The following XKR4 variants were observed in gnomAD, a reference collection of about 807,000 sequenced individuals.
The protein encoded by XKR4 is XK-related protein 4.
A neutral mutation model predicts 53.9 loss-of-function variants in XKR4; 12 were observed. The ratio of observed to expected loss-of-function variants is 0.22; its 90% CI spans 0.14 to 0.36. The LOEUF (loss-of-function observed/expected upper bound fraction) is 0.36, where lower values mean the gene tolerates loss of function less well. Among genes scored for constraint, XKR4 ranks in the 10% least tolerant of loss-of-function variants. XKR4 has a pLI of 1.00. For missense variants in XKR4, 799 were observed against 859.5 expected, an observed-to-expected ratio of 0.93 and a Z score of 0.88; for synonymous variants, 354 against 362.4, an observed-to-expected ratio of 0.98 and a Z score of 0.26.
intron 1 of XKR4, among the ~76,000 whole-genome samples, chr8:55,330,413 G>A (rs944341048): frequency 4.6e-5 from 7 of 152,130 alleles, no homozygotes; most frequent in Non-Finnish European, 8.8e-5. Context: ...CCAGAAGGGA[G>A]TAATATATCT....
chr8:55,462,231 C>T lies in XKR4; in HGVS notation c.1007-61050C>T, dbSNP rs558975251. Among the ~76,000 whole-genome samples, 4 of 152,280 alleles carry T rather than the reference C, an allele frequency of 2.6e-5. No homozygotes were observed. In the East Asian group the frequency reaches 7.7e-4, roughly 29 times the overall value. The stretch of plus-strand genomic sequence containing the variant: ...GTTAAGGGCAGCCAGAGAGAAAGGT[C>T]GGGTTACCCACAAAGGGAAGCCCAT... On this transcript the variant is annotated intron_variant, in intron 2 of 2. Transcript: ENST00000327381.
chr8:55,439,034 A>G (rs1015846944), intron 2 of XKR4, among the ~76,000 whole-genome samples: 7 of 152,208 alleles, frequency 4.6e-5, no homozygotes, highest in Admixed American at 3.3e-4. Flanking sequence ...ACAGTCTTGC[A>G]TAGGGACCTT....
At chr8:55,156,147 G>GGGAGA (rs1277812737) in intron 1 of XKR4, among the ~76,000 whole-genome samples, 4 of 152,018 alleles carry the variant, frequency 2.6e-5, no homozygotes, top group Non-Finnish European at 5.9e-5. Context: ...GTGTGACTGT[G>GGGAGA]GGAGAGGAGC....
chr8:55,109,815 G>C (rs1816208451), intron 1 of XKR4, among the ~76,000 whole-genome samples: 1 of 152,118 alleles, frequency 6.6e-6, no homozygotes, highest in Non-Finnish European at 1.5e-5. Context: ...CAAATCCTTG[G>C]AGCAATAGCT....
intron 1 of XKR4, among the ~76,000 whole-genome samples, chr8:55,294,110 T>C (rs1241993849): frequency 6.6e-6 from 1 of 152,224 alleles, no homozygotes; most frequent in Non-Finnish European, 1.5e-5. Flanking sequence ...TTCAACTTTG[T>C]TTCTTATTAT....
intron 1 of XKR4, among the ~76,000 whole-genome samples, chr8:55,231,659 G>A (rs16921467): frequency 0.019 from 2,833 of 152,232 alleles, 92 homozygotes; most frequent in African/African-American, 0.064. Flanking sequence ...CCAGGCTTGG[G>A]ATGTTTAATC....
At chr8:55,141,645 T>TTCTCTCTCTCTATCTCTCTCTC (rs1554562787) in intron 1 of XKR4, among the ~76,000 whole-genome samples, 6 of 112,014 alleles carry the variant, frequency 5.4e-5, no homozygotes, top group African/African-American at 2.1e-4. Flanking sequence ...GTGCTTCTGC[T>TTCTCTCTCTCTATCTCTCTCTC]TCTCTCTCTC....
At chr8:55,496,574 A>G (rs1488119161) in intron 2 of XKR4, among the ~76,000 whole-genome samples, 2 of 152,222 alleles carry the variant, frequency 1.3e-5, no homozygotes, top group East Asian at 3.8e-4. Flanking sequence ...GTATTCTTAT[A>G]AAACCAATCT....
At chr8:55,127,036 A>G (rs1301809242) in intron 1 of XKR4, among the ~76,000 whole-genome samples, 11 of 152,202 alleles carry the variant, frequency 7.2e-5, no homozygotes, top group Admixed American at 4.6e-4. Flanking sequence ...AACTAATCAT[A>G]CATAGCAAGT....
intron 2 of XKR4, among the ~76,000 whole-genome samples, chr8:55,443,282 G>T (rs1391882982): frequency 1.3e-5 from 2 of 151,700 alleles, no homozygotes; most frequent in South Asian, 4.2e-4. Flanking sequence ...GCCAGTATCA[G>T]GTTAATACTT....
chr8:55,413,732 G>A (rs534009886), intron 2 of XKR4, among the ~76,000 whole-genome samples: 32 of 152,218 alleles, frequency 2.1e-4, no homozygotes, highest in Admixed American at 5.2e-4. Context: ...CCACTCAAGC[G>A]ATATTGATGT....
intron 2 of XKR4, among the ~76,000 whole-genome samples, chr8:55,471,557 G>A (rs1469553981): frequency 6.6e-6 from 1 of 152,146 alleles, no homozygotes; most frequent in Non-Finnish European, 1.5e-5. Context: ...GAACAGAGCT[G>A]TAAAGCATGG....
chr8:55,455,188 G>A (rs1805546631), intron 2 of XKR4: 5 of 486,220 alleles, frequency 1.0e-5, no homozygotes, highest in East Asian at 4.6e-5. Flanking sequence ...CGAGGGCTGC[G>A]CGCTCATGGC....
At chr8:55,409,109 C>A (rs75991568) in intron 2 of XKR4, among the ~76,000 whole-genome samples, 4,615 of 152,110 alleles carry the variant, frequency 0.03, 186 homozygotes, top group African/African-American at 0.089. Context: ...GACATAGGAC[C>A]ATGAGGCACA....
At chr8:55,187,270 C>A (rs1817390749) in intron 1 of XKR4, among the ~76,000 whole-genome samples, 1 of 132,932 alleles carries the variant, frequency 7.5e-6, no homozygotes, top group Non-Finnish European at 1.5e-5. Flanking sequence ...CATGTAGAGT[C>A]TCTTCTCTAG....
At chr8:55,161,433 C>T (rs180996075) in intron 1 of XKR4, 5 of 423,574 alleles carry the variant, frequency 1.2e-5, no homozygotes, top group East Asian at 7.0e-5. Flanking sequence ...TCTCTGAGGT[C>T]CCAAGGGAAA....
chr8:55,297,687 A>G (rs1819120490), intron 1 of XKR4, among the ~76,000 whole-genome samples: 1 of 152,210 alleles, frequency 6.6e-6, no homozygotes, highest in African/African-American at 2.4e-5. Flanking sequence ...TCTAATGAAG[A>G]CATATGACTA....
chr8:55,341,779 C>G (rs1249084530), intron 1 of XKR4, among the ~76,000 whole-genome samples: 1 of 152,120 alleles, frequency 6.6e-6, no homozygotes, highest in African/African-American at 2.4e-5. Flanking sequence ...AACATTCACA[C>G]CTCCCTGAGA....
intron 1 of XKR4, among the ~76,000 whole-genome samples, chr8:55,302,540 T>C (rs1295311085): frequency 6.6e-6 from 1 of 152,194 alleles, no homozygotes; most frequent in African/African-American, 2.4e-5. Flanking sequence ...AAGAAAGTCA[T>C]TGGTAGCTTG....
Sources: allele counts gnomAD v4.1 joint callset (sites outside exome capture counted in the v4.1 genomes callset), GRCh38; gene constraint gnomAD v4.1.1; transcripts MANE v1.5; gene names NCBI Gene and HGNC (gene_info 2026-07-23, HGNC 2026-07-21).